GAL3ST2: variants seen among roughly 807,000 people sequenced by gnomAD.
GAL3ST2 encodes the protein galactose-3-O-sulfotransferase 2, also known as beta-galactose-3-O-sulfotransferase 2.
A neutral mutation model predicts 12.9 loss-of-function variants in GAL3ST2; 16 were observed. The observed-to-expected ratio is 1.24, with a 90% CI of 0.84 to 1.88. GAL3ST2 has a LOEUF of 1.88. Ranked by LOEUF, GAL3ST2 falls within the 40% of genes most tolerant of loss-of-function variation. The pLI, the probability that GAL3ST2 is intolerant of heterozygous loss-of-function variation, is 0.00. For missense variants in GAL3ST2, 639 were observed against 571.8 expected, an observed-to-expected ratio of 1.12 and a Z score of -1.20; for synonymous variants, 302 against 273.9, an observed-to-expected ratio of 1.10 and a Z score of -1.01.
Position 241,803,425 on chromosome 2 carries a change from C to T in GAL3ST2, c.456C>T (p.Ile152=). The part of the protein sequence containing the change: ...NPVFQLESSF[I]YYKTYAPAFR... ...TGTTCCAGCTGGAGTCCTCCTTCAT[C>T]TACTACAAAACCTACGCCCCCGCCT... is the stretch of plus-strand genomic sequence containing the variant. Residue 152 remains isoleucine (I), a synonymous_variant, in exon 4 of 4, where the codon ATC becomes ATT. Transcript: ENST00000192314. 1 of 1,612,736 alleles carries T rather than the reference C, an allele frequency of 6.2e-7. No homozygotes were observed. Among genetic ancestry groups the T allele is most frequent in the Non-Finnish European group, 8.5e-7 (1 of 1,179,712 alleles).
rs1368313925 is a variant in GAL3ST2, at chr2:241,801,210, G to A, written c.120-571G>A. On this transcript the variant is annotated intron_variant, in intron 2 of 3. Coordinates refer to ENST00000192314, the MANE Select transcript of GAL3ST2 (RefSeq NM_022134.3). This position sits in a 1 kb window ranked among gnomAD's most constrained non-coding sequence, Gnocchi z 4.4. The stretch of plus-strand genomic sequence containing the variant: ...TCCCACTTATGAGTGAGAACATGCG[G>A]TGTTTGGTTTTCTGTTCCTTTGTTA... 1.3e-5 allele frequency: 2 copies of A among 153,930 alleles called. No individual in the cohort carries two copies. The highest frequency in any genetic ancestry group is 2.9e-5 in the Non-Finnish European group (2 of 69,320). 9.5% of individuals were successfully genotyped at this position (153,930 alleles called of 1,614,324 possible). A position where few individuals can be genotyped will look rare whatever the true frequency, so the allele number is the denominator to read the frequency against.
chr2:241,779,761 G>A (rs181370523), intron 1 of GAL3ST2, among the ~76,000 whole-genome samples: 96 of 151,542 alleles, frequency 6.3e-4, no homozygotes, highest in African/African-American at 2.2e-3. Flanking sequence ...CGAGGCGGGC[G>A]GATCACCTGA....
intron 1 of GAL3ST2, among the ~76,000 whole-genome samples, chr2:241,787,540 CTTT>C (rs1553615866): frequency 1.5e-5 from 2 of 136,266 alleles, no homozygotes; most frequent in Non-Finnish European, 1.6e-5. Context: ...ACTTCTCCTC[CTTT>C]TTTTTTTTTT....
Position 241,795,867 on chromosome 2 carries a change from G to A in GAL3ST2, c.30-3198G>A, listed in dbSNP as rs1699766982. Among the ~76,000 whole-genome samples, 1 of 152,254 alleles carries A rather than the reference G, an allele frequency of 6.6e-6. No homozygotes were observed. Among genetic ancestry groups the A allele is most frequent in the Non-Finnish European group, 1.5e-5 (1 of 68,048 alleles). ...GCCTGGGAATTCTAGTGTTTACTGG[G>A]CCTTGGCCGCTGGGAGCCTCTTCAA... On this transcript the variant is annotated intron_variant, in intron 1 of 3. Coordinates refer to ENST00000192314, the MANE Select transcript of GAL3ST2 (RefSeq NM_022134.3). The surrounding 1 kb of genome is among the most constrained non-coding windows in gnomAD (Gnocchi z 4.5).
intron 3 of GAL3ST2, 33 bp from the exon 4 acceptor site, chr2:241,803,312 C>A: frequency 6.5e-7 from 1 of 1,531,594 alleles, no homozygotes; most frequent in South Asian, 1.3e-5. Flanking sequence ...CCTGGGCCCG[C>A]GGTCCGCAGC....
In GAL3ST2 at chr2:241,801,544, G is replaced by A. The variant is rs1404742285; in HGVS notation, c.120-237G>A. ...TTCTCGGGGGCACAGGGTTGGGGGA[G>A]CATGGTTACGGGAGACAGTTGGGGG... On this transcript the variant is annotated intron_variant, in intron 2 of 3. Coordinates refer to ENST00000192314, the MANE Select transcript of GAL3ST2 (RefSeq NM_022134.3). The surrounding 1 kb of genome is among the most constrained non-coding windows in gnomAD (Gnocchi z 4.4). 3.4e-6 allele frequency: 2 copies of A among 594,394 alleles called. No homozygotes were observed. The highest frequency in any genetic ancestry group is 2.9e-5 in the East Asian group (1 of 35,008). The allele number at this position is 594,394 out of a possible 1,614,324, so 36.8% of individuals were successfully genotyped here.
Position 241,795,550 on chromosome 2 carries a change from C to T in GAL3ST2, c.30-3515C>T, listed in dbSNP as rs1356328195. 6.6e-6 allele frequency among the ~76,000 whole-genome samples: 1 copy of T among 152,148 alleles called. No individual in the cohort carries two copies. Among genetic ancestry groups the T allele is most frequent in the Non-Finnish European group, 1.5e-5 (1 of 68,036 alleles). ...TGGCCAAGGGTGGTGGCTGAGAAACCCTGCTGGTGAAGTCCTGCGTGGGCC... is the reference window on the plus strand; with the variant it reads ...TGGCCAAGGGTGGTGGCTGAGAAACTCTGCTGGTGAAGTCCTGCGTGGGCC... On this transcript the variant is annotated intron_variant, in intron 1 of 3. Coordinates refer to ENST00000192314, the MANE Select transcript of GAL3ST2 (RefSeq NM_022134.3). This position sits in a 1 kb window ranked among gnomAD's most constrained non-coding sequence, Gnocchi z 4.5.
At chr2:241,798,312 A>G (rs1480268214) in intron 1 of GAL3ST2, among the ~76,000 whole-genome samples, 1 of 152,172 alleles carries the variant, frequency 6.6e-6, no homozygotes, top group East Asian at 1.9e-4. Context: ...GACACCACAG[A>G]CAGGCTGGCC....
chr2:241,779,213 C>A (rs976295995), intron 1 of GAL3ST2, among the ~76,000 whole-genome samples: 16 of 97,146 alleles, frequency 1.6e-4, no homozygotes, highest in African/African-American at 4.1e-4. Flanking sequence ...TAGGAAAGCT[C>A]ATTTTTTTTT....
intron 1 of GAL3ST2, among the ~76,000 whole-genome samples, chr2:241,777,476 C>G (rs999527652): frequency 3.9e-5 from 6 of 152,090 alleles, no homozygotes; most frequent in African/African-American, 1.4e-4. Context: ...CTTCTGTAAA[C>G]AGAGGGGAGG....
At chr2:241,780,256 C>T (rs1699550279) in intron 1 of GAL3ST2, among the ~76,000 whole-genome samples, 1 of 152,092 alleles carries the variant, frequency 6.6e-6, no homozygotes, top group Non-Finnish European at 1.5e-5. Flanking sequence ...TGTGGTGGCT[C>T]ACATCTGTAA....
chr2:241,777,285 G>T (rs886080121), intron 1 of GAL3ST2, among the ~76,000 whole-genome samples: 2 of 152,200 alleles, frequency 1.3e-5, no homozygotes, highest in Non-Finnish European at 1.5e-5. Context: ...GTGACGGCTG[G>T]GGAGGGTGAG....
Position 241,804,019 on chromosome 2 carries a change from G to T in GAL3ST2, c.1050G>T (p.Leu350=). 1 of 1,568,604 alleles carries T rather than the reference G, an allele frequency of 6.4e-7. No individual in the cohort carries two copies. ...RPYQSGKADI[L]GYNLRPGLDN... is the part of the protein sequence containing the mutation. ...ACCAGTCCGGCAAGGCCGACATCCT[G>T]GGTTACAACCTCCGGCCGGGCCTGG... Residue 350 remains leucine, a synonymous_variant, in exon 4 of 4, where the codon CTG becomes CTT. Coordinates refer to ENST00000192314, the MANE Select transcript of GAL3ST2 (RefSeq NM_022134.3).
chr2:241,793,435 GTGTA>G lies in GAL3ST2; in HGVS notation c.30-5621_30-5618del, dbSNP rs367714241. Among the ~76,000 whole-genome samples the G allele has an allele frequency of 9.7e-4, 147 of 151,102 alleles. No individual in the cohort carries two copies. Among genetic ancestry groups the G allele is most frequent in the Admixed American group, 2.3e-3 (35 of 15,214 alleles). On this transcript the variant is annotated intron_variant, in intron 1 of 3. Coordinates refer to ENST00000192314, the MANE Select transcript of GAL3ST2 (RefSeq NM_022134.3). The surrounding 1 kb of genome is among the most constrained non-coding windows in gnomAD (Gnocchi z 4.7). ...ACATGTACGTGTGTATATTGTGTAC[GTGTA>G]TGTATGTACTGTGTATGCGTGTGTA...
intron 1 of GAL3ST2, among the ~76,000 whole-genome samples, chr2:241,788,780 T>C (rs1274399261): frequency 6.6e-6 from 1 of 152,148 alleles, no homozygotes; most frequent in East Asian, 1.9e-4. Context: ...TTGAGCCCTC[T>C]CTGAGGTCAT....
intron 1 of GAL3ST2, among the ~76,000 whole-genome samples, chr2:241,783,751 ATTATAAC>A (rs2125189986): frequency 6.6e-6 from 1 of 152,378 alleles, no homozygotes; most frequent in South Asian, 2.1e-4. Context: ...CTCTTGCAAA[ATTATAAC>A]TGAGACAGTA....
chr2:241,798,954 G>A, intron 1 of GAL3ST2, 111 bp from the exon 2 acceptor site: 1 of 827,506 alleles, frequency 1.2e-6, no homozygotes, highest in South Asian at 1.4e-5. Flanking sequence ...ACAGAGGTGA[G>A]GGGAGGCCCA....
chr2:241,793,947 GTTGT>G lies in GAL3ST2; in HGVS notation c.30-5111_30-5108del, dbSNP rs772244990. On this transcript the variant is annotated intron_variant, in intron 1 of 3. Transcript: ENST00000192314. The surrounding 1 kb of genome is among the most constrained non-coding windows in gnomAD (Gnocchi z 4.7). ...GATGTCTTAAGTCGGTTTTGTTGTT[GTTGT>G]TTGTTTATTTTTTGAGACAGAGACT... Among the ~76,000 whole-genome samples, 46 of 152,082 alleles carry G rather than the reference GTTGT, an allele frequency of 3.0e-4. No homozygotes were observed. Among genetic ancestry groups the G allele is most frequent in the East Asian group, 1.2e-3 (6 of 5,196 alleles).
intron 1 of GAL3ST2, among the ~76,000 whole-genome samples, chr2:241,788,014 A>T (rs1699648831): frequency 6.6e-6 from 1 of 152,172 alleles, no homozygotes; most frequent in Admixed American, 6.6e-5. Context: ...TCTGTCTTAA[A>T]AAAGCAATTG....
Sources: allele counts gnomAD v4.1 joint callset (sites outside exome capture counted in the v4.1 genomes callset), GRCh38; gene constraint gnomAD v4.1.1; non-coding constraint Gnocchi (gnomAD v3.1); transcripts MANE v1.5; gene names NCBI Gene and HGNC (gene_info 2026-07-23, HGNC 2026-07-21).